The following LPXN variants were observed in gnomAD, a reference collection of about 807,000 sequenced individuals.
The protein encoded by LPXN is leupaxin.
In LPXN, 28 loss-of-function variants were observed where a neutral mutation model predicts 45.6. The ratio of observed to expected loss-of-function variants is 0.61; its 90% confidence interval spans 0.45 to 0.84. The LOEUF is 0.84. Ranked by LOEUF, LPXN falls within the 40% of genes least tolerant of loss-of-function variation. LPXN has a pLI of 0.00. For missense variants in LPXN, 459 were observed against 475.0 expected (o/e 0.97, Z 0.31); for synonymous variants, 166 against 169.9 (o/e 0.98, Z 0.18).
Position 58,551,214 on chromosome 11 carries a change from C to A in LPXN, c.337G>T (p.Ala113Ser). Residue 113 changes from alanine to serine, a missense_variant, in exon 5 of 9, where the codon GCT becomes TCT. Physicochemically the swap from Ala to Ser is moderately conservative, Grantham distance 99. Coordinates refer to ENST00000395074, the MANE Select transcript of LPXN (RefSeq NM_004811.3). The stretch of plus-strand genomic sequence containing the variant: ...TTGTCTGGTAAGTGCTTCTTGCCAG[C>A]ATCTGCTCTCACTGCAACCTGGCCC... ...MQAKVAVRADAGKKHLPDKQD... is the reference protein window; with the variant it reads ...MQAKVAVRADSGKKHLPDKQD... The A allele has an allele frequency of 6.2e-7, 1 of 1,607,986 alleles. No individual in the cohort carries two copies.
At position 58,564,142 on chromosome 11, in the gene LPXN, G is replaced by GAA; in HGVS notation, c.218+11_218+12dup. 4 of 1,508,976 alleles carry GAA rather than the reference G, an allele frequency of 2.7e-6. No individual in the cohort carries two copies. The highest frequency in any genetic ancestry group is 1.4e-5 in the African/African-American group (1 of 71,144). The allele number at this position is 1,508,976 out of a possible 1,614,324, so 93.5% of individuals were successfully genotyped here. ...CTTTAATTTTTAAAAGCATTTAATA[G>GAA]AAAAAAAAATACCTGTAGACATTGA... On this transcript the variant is annotated intron_variant, in intron 3 of 8. Transcript: ENST00000395074.
At position 58,563,865 on chromosome 11, in the gene LPXN, C is replaced by T. The variant is rs56663443; in HGVS notation, c.218+290G>A. On this transcript the variant is annotated intron_variant, in intron 3 of 8. Coordinates refer to ENST00000395074, the MANE Select transcript of LPXN (RefSeq NM_004811.3). ...AACTGAAGCATAACATCTGGAATAGCGTGGACAAAACATCTGTGGTAACTC... is the reference window on the plus strand; with the variant it reads ...AACTGAAGCATAACATCTGGAATAGTGTGGACAAAACATCTGTGGTAACTC... 4.8e-3 allele frequency among the ~76,000 whole-genome samples: 725 copies of T among 152,238 alleles called. 7 individuals carry two copies. Among genetic ancestry groups the T allele is most frequent in the African/African-American group, 0.016 (663 of 41,522 alleles).
intron 7 of LPXN, among the ~76,000 whole-genome samples, 198 bp from the exon 8 acceptor site, chr11:58,528,389 G>A (rs1012632946): frequency 2.6e-5 from 4 of 152,220 alleles, no homozygotes; most frequent in Admixed American, 6.5e-5. Context: ...CTGGTTCATA[G>A]TAAACATTTA....
Position 58,527,732 on chromosome 11 carries a change from GA to G in LPXN, c.892-10del. ...AAACTGGTGAAGCAGTCCTGGGGTA[GA>G]GAGAAGAGAGAGAAAAAGAATGCAA... On this transcript the variant is annotated splice_polypyrimidine_tract_variant and intron_variant, in intron 8 of 8. Transcript: ENST00000395074. The G allele has an allele frequency of 6.2e-7, 1 of 1,606,960 alleles. No homozygotes were observed.
chr11:58,538,480 T>C (rs1376927659), intron 7 of LPXN, among the ~76,000 whole-genome samples: 1 of 152,106 alleles, frequency 6.6e-6, no homozygotes, highest in Non-Finnish European at 1.5e-5. Context: ...TGGTGTGAGA[T>C]GGTATCTCAT....
At chr11:58,534,449 G>GA (rs748078622) in intron 7 of LPXN, among the ~76,000 whole-genome samples, 10 of 152,108 alleles carry the variant, frequency 6.6e-5, no homozygotes, top group Non-Finnish European at 1.0e-4. Context: ...AATTAAGGCA[G>GA]AAAGAAAGAA....
chr11:58,531,416 A>G (rs1022848306), intron 7 of LPXN, among the ~76,000 whole-genome samples: 1 of 152,030 alleles, frequency 6.6e-6, no homozygotes, highest in African/African-American at 2.4e-5. Context: ...AGCATACACA[A>G]GTATCAATAG....
chr11:58,578,477 T>G (rs774419203), upstream of LPXN, among the ~76,000 whole-genome samples: 2 of 152,098 alleles, frequency 1.3e-5, no homozygotes, highest in Non-Finnish European at 2.9e-5. Flanking sequence ...CCCGCCTCCG[T>G]TTTGCCGCCG....
rs1227434464 is a variant in LPXN, at chr11:58,550,039, G to A, written c.594C>T (p.Tyr198=). Residue 198 remains tyrosine (Y), a synonymous_variant, in exon 6 of 9, where the codon TAC becomes TAT. Transcript: ENST00000395074. ...AAAGTTGGTGGTAGTCGTTGGGGCA[G>A]TAGGCCAAGCCACTCCGCTCAAAGA... ...SPFFERSGLA[Y]CPNDYHQLFS... 6 of 1,614,114 alleles carry A rather than the reference G, an allele frequency of 3.7e-6. No homozygotes were observed. In the Admixed American group the frequency reaches 1.0e-4, roughly 27 times the overall value.
intron 2 of LPXN, among the ~76,000 whole-genome samples, chr11:58,569,474 G>A (rs1177345212): frequency 6.6e-6 from 1 of 151,464 alleles, no homozygotes; most frequent in African/African-American, 2.4e-5. Context: ...CTGCAGCCTC[G>A]ACCACCTGGG....
At chr11:58,558,100 G>A (rs1381304085) in intron 3 of LPXN, among the ~76,000 whole-genome samples, 1 of 151,892 alleles carries the variant, frequency 6.6e-6, no homozygotes, top group Non-Finnish European at 1.5e-5. Context: ...CTTGGGACCT[G>A]GAGTTGCGAA....
intron 7 of LPXN, among the ~76,000 whole-genome samples, chr11:58,547,898 A>G (rs1853923363): frequency 6.6e-6 from 1 of 152,208 alleles, no homozygotes; most frequent in African/African-American, 2.4e-5. Context: ...CAGGAGAAAA[A>G]CAAAGTAAAG....
At chr11:58,530,152 T>C (rs1486933472) in intron 7 of LPXN, among the ~76,000 whole-genome samples, 1 of 152,156 alleles carries the variant, frequency 6.6e-6, no homozygotes, top group Non-Finnish European at 1.5e-5. Flanking sequence ...TTTTTTTGTT[T>C]TTTGTTTTTC....
chr11:58,576,631 A>T (rs1296826114), upstream of LPXN, among the ~76,000 whole-genome samples: 1 of 152,244 alleles, frequency 6.6e-6, no homozygotes, highest in African/African-American at 2.4e-5. Context: ...AACTATAATT[A>T]TGGCCCTGTG....
At chr11:58,541,495 A>G (rs1480133827) in intron 7 of LPXN, among the ~76,000 whole-genome samples, 1 of 151,784 alleles carries the variant, frequency 6.6e-6, no homozygotes, top group Admixed American at 6.6e-5. Context: ...ATGAGATACC[A>G]TCTCACACCA....
Position 58,530,558 on chromosome 11 carries a change from G to T in LPXN, c.743-2367C>A, listed in dbSNP as rs544810422. On this transcript the variant is annotated intron_variant, in intron 7 of 8. Transcript: ENST00000395074. ...AAAAAGGCAGCAGCTCCAGTCAGGG[G>T]CTTATAGATAAAACCCCCATCTCCC... is the stretch of plus-strand genomic sequence containing the variant. Among the ~76,000 whole-genome samples, 7 of 152,316 alleles carry T rather than the reference G, an allele frequency of 4.6e-5. No individual in the cohort carries two copies. In the East Asian group the frequency reaches 9.7e-4, roughly 21 times the overall value.
chr11:58,544,673 T>C (rs566098559), intron 7 of LPXN, among the ~76,000 whole-genome samples: 2 of 152,290 alleles, frequency 1.3e-5, no homozygotes, highest in East Asian at 3.9e-4. Context: ...TCTTGCTTTC[T>C]TGGAGGATCT....
intron 7 of LPXN, among the ~76,000 whole-genome samples, chr11:58,542,878 G>C (rs759597309): frequency 6.6e-6 from 1 of 152,118 alleles, no homozygotes; most frequent in Admixed American, 6.6e-5. Flanking sequence ...TAGGTTAATA[G>C]GGTAATAAGT....
upstream of LPXN, among the ~76,000 whole-genome samples, chr11:58,578,456 G>T (rs1323685218): frequency 6.6e-6 from 1 of 152,188 alleles, no homozygotes; most frequent in Non-Finnish European, 1.5e-5. Flanking sequence ...GGCCCTCGTT[G>T]CCCCCACAAC....
Sources: allele counts gnomAD v4.1 joint callset (sites outside exome capture counted in the v4.1 genomes callset), GRCh38; gene constraint gnomAD v4.1.1; transcripts MANE v1.5; gene names NCBI Gene and HGNC (gene_info 2026-07-23, HGNC 2026-07-21).